ALK: variants seen among roughly 807,000 people sequenced by gnomAD.
ALK encodes the protein ALK tyrosine kinase receptor.
In ALK, 74 loss-of-function variants were observed where a neutral mutation model predicts 163.1. That is an observed-to-expected ratio of 0.45 (90% CI 0.38 to 0.55). ALK has a LOEUF of 0.55. Ranked by LOEUF, ALK falls within the 20% of genes least tolerant of loss-of-function variation. The pLI, the probability that ALK is intolerant of heterozygous loss-of-function variation, is 0.00. For synonymous variants in ALK, 960 were observed against 843.2 expected, an observed-to-expected ratio of 1.14 and a Z score of -2.40; for missense variants, 2,063 against 2,105.3, an observed-to-expected ratio of 0.98 and a Z score of 0.39.
At chr2:29,249,169 A>C (rs1029236640) in intron 12 of ALK, among the ~76,000 whole-genome samples, 5 of 152,172 alleles carry the variant, frequency 3.3e-5, no homozygotes, top group Middle Eastern at 3.2e-3. Context: ...AGCCCAAGAG[A>C]ATCCCCATTC....
At chr2:29,283,671 G>A (rs933354202) in intron 9 of ALK, among the ~76,000 whole-genome samples, 11 of 152,132 alleles carry the variant, frequency 7.2e-5, no homozygotes, top group Admixed American at 2.0e-4. Flanking sequence ...CCCTGGGCAA[G>A]TTGCCAAAAC....
chr2:29,248,168 A>G (rs1318599854), intron 12 of ALK, among the ~76,000 whole-genome samples: 1 of 152,132 alleles, frequency 6.6e-6, no homozygotes, highest in African/African-American at 2.4e-5. Context: ...TGGTTAAAAT[A>G]TAAGTATTCA....
In ALK at chr2:29,889,291, A is replaced by C. The variant is rs11893495; in HGVS notation, c.667+30702T>G. Reference sequence around the variant, plus strand: ...TACACATATATATCATATACTCTCTATATATATCACATATAAGCTAATGAG... The same window carrying C: ...TACACATATATATCATATACTCTCTCTATATATCACATATAAGCTAATGAG... On this transcript the variant is annotated intron_variant, in intron 1 of 28. Transcript: ENST00000389048. Among the ~76,000 whole-genome samples, 232 of 152,164 alleles carry C rather than the reference A, an allele frequency of 1.5e-3. 1 individual carries two copies. Among genetic ancestry groups the C allele is most frequent in the African/African-American group, 4.9e-3 (203 of 41,520 alleles).
intron 1 of ALK, among the ~76,000 whole-genome samples, chr2:29,899,193 A>G (rs1056412892): frequency 6.6e-6 from 1 of 152,116 alleles, no homozygotes; most frequent in Non-Finnish European, 1.5e-5. Context: ...TCTGATGTGC[A>G]CTCGAGCTTG....
intron 4 of ALK, among the ~76,000 whole-genome samples, chr2:29,430,090 A>C (rs1670237883): frequency 6.6e-6 from 1 of 152,214 alleles, no homozygotes; most frequent in South Asian, 2.1e-4. Context: ...TAAAACTATA[A>C]AACTCTTAGA....
chr2:29,591,470 A>AC (rs1477172022), intron 3 of ALK, among the ~76,000 whole-genome samples: 1 of 152,074 alleles, frequency 6.6e-6, no homozygotes, highest in African/African-American at 2.4e-5. Context: ...GGGCATGGCC[A>AC]CCTCCCCAGT....
rs905126682 is a variant in ALK at position 29,905,796 on chromosome 2, A to G, written c.667+14197T>C. On this transcript the variant is annotated intron_variant, in intron 1 of 28. Coordinates refer to ENST00000389048, the MANE Select transcript of ALK (RefSeq NM_004304.5). ...GGGGCTGGAGCATGAAGGGAAAGGC[A>G]GGATGCGAGGAATGGAAGGGGATGC... 2.0e-5 allele frequency among the ~76,000 whole-genome samples: 3 copies of G among 152,048 alleles called. No homozygotes were observed. The South Asian group carries it at 6.2e-4, about 31-fold the overall frequency.
chr2:29,440,829 C>A (rs1002328081), intron 4 of ALK, among the ~76,000 whole-genome samples: 6 of 152,212 alleles, frequency 3.9e-5, no homozygotes, highest in Non-Finnish European at 8.8e-5. Flanking sequence ...AAATGACTTT[C>A]TTTTAGATTA....
At chr2:29,785,421 A>G (rs1357298337) in intron 1 of ALK, among the ~76,000 whole-genome samples, 4 of 151,950 alleles carry the variant, frequency 2.6e-5, no homozygotes, top group Non-Finnish European at 4.4e-5. Context: ...AACAAACTGG[A>G]ATGTGAGTGA....
intron 4 of ALK, among the ~76,000 whole-genome samples, chr2:29,395,288 G>A (rs1445932594): frequency 6.6e-6 from 1 of 152,182 alleles, no homozygotes; most frequent in East Asian, 1.9e-4. Flanking sequence ...TATACAGTAG[G>A]GTGAAACTTG....
chr2:29,721,903 C>T (rs971862880), intron 1 of ALK, among the ~76,000 whole-genome samples: 6 of 152,256 alleles, frequency 3.9e-5, no homozygotes, highest in African/African-American at 1.2e-4. Context: ...CCTGTCTCCA[C>T]CTTCTTCTTC....
At chr2:29,876,900 G>A (rs1445664855) in intron 1 of ALK, among the ~76,000 whole-genome samples, 1 of 152,150 alleles carries the variant, frequency 6.6e-6, no homozygotes, top group African/African-American at 2.4e-5. Flanking sequence ...CATTGAACCA[G>A]CTCTCAGGCC....
chr2:29,235,611 A>C (rs1251406397), intron 13 of ALK, among the ~76,000 whole-genome samples: 1 of 152,024 alleles, frequency 6.6e-6, no homozygotes, highest in Non-Finnish European at 1.5e-5. Context: ...AGTTGCAGGG[A>C]ATGTGCCCTG....
intron 4 of ALK, among the ~76,000 whole-genome samples, chr2:29,477,663 C>A (rs934285159): frequency 7.9e-5 from 12 of 152,130 alleles, no homozygotes; most frequent in African/African-American, 2.9e-4. Flanking sequence ...GCTGATAGAT[C>A]CTAACCGGCT....
chr2:29,667,067 C>T (rs1298329026), intron 3 of ALK, among the ~76,000 whole-genome samples: 1 of 152,098 alleles, frequency 6.6e-6, no homozygotes, highest in African/African-American at 2.4e-5. Context: ...ATAAGTAACA[C>T]ATTTTCGTTA....
intron 12 of ALK, among the ~76,000 whole-genome samples, chr2:29,242,146 C>T (rs965155516): frequency 1.3e-5 from 2 of 152,164 alleles, no homozygotes; most frequent in South Asian, 2.1e-4. Flanking sequence ...GGGCAGGGGA[C>T]GATGTGGCGG....
chr2:29,620,502 G>A lies in ALK; in HGVS notation c.952+74348C>T, dbSNP rs191747722. On this transcript the variant is annotated intron_variant, in intron 3 of 28. Transcript: ENST00000389048. ...ACTTTTCTCTTTTTTTTTGCGGGGT[G>A]GGGGGGTGGTGGGTGGGCACAATTT... is the stretch of plus-strand genomic sequence containing the variant. Among the ~76,000 whole-genome samples the A allele has an allele frequency of 1.3e-4, 19 of 150,848 alleles. No homozygotes were observed. The South Asian group carries it at 2.3e-3, about 19-fold the overall frequency.
rs73921118 is a variant in ALK at position 29,601,985 on chromosome 2, G to C, written c.953-69869C>G. Among the ~76,000 whole-genome samples the C allele has an allele frequency of 3.0e-3, 451 of 152,212 alleles. 1 individual carries two copies. The highest frequency in any genetic ancestry group is 0.011 in the African/African-American group (437 of 41,560). The stretch of plus-strand genomic sequence containing the variant: ...GGGGGACAGGAACTCTACCAGCTCA[G>C]TGTCCTGAGGGTGTGAGTGCCTCAA... On this transcript the variant is annotated intron_variant, in intron 3 of 28. Transcript: ENST00000389048.
intron 26 of ALK, among the ~76,000 whole-genome samples, chr2:29,199,519 C>T (rs965099578): frequency 2.7e-4 from 41 of 152,156 alleles, no homozygotes; most frequent in African/African-American, 9.4e-4. Flanking sequence ...ACTCTTCCAA[C>T]ACTATGCATA....
Sources: gnomAD v4.1 joint callset for allele counts (sites outside exome capture counted in the v4.1 genomes callset) on GRCh38, gnomAD v4.1.1 for gene constraint, MANE v1.5 for transcripts, NCBI Gene and HGNC (gene_info 2026-07-23, HGNC 2026-07-21) for gene names.